The following SLC1A1 variants were observed in gnomAD, a reference collection of about 807,000 sequenced individuals.
SLC1A1 encodes solute carrier family 1 member 1.
SLC1A1 carries 43 observed loss-of-function variants against 53.3 expected under a neutral mutation model. The observed-to-expected ratio is 0.81, with a 90% confidence interval of 0.63 to 1.04. The LOEUF is 1.04. SLC1A1 is among the 50% of genes least tolerant of loss of function. SLC1A1 has a pLI of 0.00. For synonymous variants in SLC1A1, 307 were observed against 243.2 expected (o/e 1.26, Z -2.44); for missense variants, 748 against 664.9 (o/e 1.12, Z -1.37).
At position 4,576,961 on chromosome 9, in the gene SLC1A1, ACT is replaced by A. The variant is rs1383387097; in HGVS notation, c.1193+201_1193+202del. On this transcript the variant is annotated intron_variant, in intron 10 of 11. Transcript: ENST00000262352. The stretch of plus-strand genomic sequence containing the variant: ...CGGGGTCTGGGTAGCCAAAGCCATC[ACT>A]CTGTGCTCAGTTTACTGAAGCCAGT... Among the ~76,000 whole-genome samples the A allele has an allele frequency of 2.0e-5, 3 of 152,266 alleles. No individual in the cohort carries two copies. The East Asian group carries it at 5.8e-4, about 29-fold the overall frequency.
chr9:4,565,114 T>C (rs1819355143), intron 4 of SLC1A1, among the ~76,000 whole-genome samples: 1 of 152,150 alleles, frequency 6.6e-6, no homozygotes, highest in South Asian at 2.1e-4. Flanking sequence ...ATCTTTCCAG[T>C]TTTTCTTTTT....
At position 4,490,570 on chromosome 9, in the gene SLC1A1, C is replaced by A; in HGVS notation, c.-110C>A. 1.2e-6 allele frequency: 1 copy of A among 842,360 alleles called. No individual in the cohort carries two copies. Among genetic ancestry groups the A allele is most frequent in the Non-Finnish European group, 1.9e-6 (1 of 515,794 alleles). The allele number at this position is 842,360 out of a possible 1,614,324, so 52.2% of individuals were successfully genotyped here. Reference sequence around the variant, plus strand: ...GGCGACTGCAGCGGCCGGCTCTCACCTCTCCCCTGTGCACCCGCATCTCGC... The same window carrying A: ...GGCGACTGCAGCGGCCGGCTCTCACATCTCCCCTGTGCACCCGCATCTCGC... On this transcript the variant is annotated 5_prime_UTR_variant, in exon 1 of 12. Coordinates refer to ENST00000262352, the MANE Select transcript of SLC1A1 (RefSeq NM_004170.6).
rs112241929 is a variant in SLC1A1, at chr9:4,557,963, G to A, written c.233-3486G>A. 2.0e-5 allele frequency among the ~76,000 whole-genome samples: 3 copies of A among 152,256 alleles called. 1 individual carries two copies. The highest frequency in any genetic ancestry group is 7.2e-5 in the African/African-American group (3 of 41,528). On this transcript the variant is annotated intron_variant, in intron 2 of 11. Coordinates refer to ENST00000262352, the MANE Select transcript of SLC1A1 (RefSeq NM_004170.6). ...TAGTTTTGTCCTCTGTAAAATGGGG[G>A]TAATAATGCCCGCCTCCTTGGGTTG... is the stretch of plus-strand genomic sequence containing the variant.
chr9:4,501,220 G>A (rs755904999), intron 1 of SLC1A1, among the ~76,000 whole-genome samples: 4 of 151,160 alleles, frequency 2.6e-5, no homozygotes, highest in Admixed American at 6.6e-5. Context: ...GTCTCACTCC[G>A]TCACCCAGGC....
At chr9:4,537,255 T>G (rs1816710509) in intron 1 of SLC1A1, among the ~76,000 whole-genome samples, 1 of 152,086 alleles carries the variant, frequency 6.6e-6, no homozygotes, top group Non-Finnish European at 1.5e-5. Context: ...AAATGAAAAT[T>G]GCTTTTTAAA....
At chr9:4,532,025 GA>G (rs1414777733) in intron 1 of SLC1A1, among the ~76,000 whole-genome samples, 1 of 152,124 alleles carries the variant, frequency 6.6e-6, no homozygotes, top group Non-Finnish European at 1.5e-5. Flanking sequence ...CTAACAAACA[GA>G]AAGGACATCC....
At position 4,490,758 on chromosome 9, in the gene SLC1A1, G is replaced by A; in HGVS notation, c.79G>A (p.Ala27Thr). Reference protein sequence around the residue: ...NNWVLLSTVAAVVLGITTGVL... With the variant: ...NNWVLLSTVATVVLGITTGVL... ...CTGGGTGTTGCTGTCCACCGTGGCC[G>A]CGGTGGTGCTAGGTGAGCGGCGCGG... The change falls in exon 1 of 12, where the codon GCG (alanine) becomes ACG (threonine). Residue 27 changes from alanine to threonine, a missense_variant. Coordinates refer to ENST00000262352, the MANE Select transcript of SLC1A1 (RefSeq NM_004170.6). The A allele has an allele frequency of 1.2e-6, 2 of 1,611,838 alleles. No individual in the cohort carries two copies. Among genetic ancestry groups the A allele is most frequent in the East Asian group, 2.2e-5 (1 of 44,806 alleles).
intron 3 of SLC1A1, among the ~76,000 whole-genome samples, chr9:4,562,864 C>A (rs1230985015): frequency 6.6e-6 from 1 of 150,534 alleles, no homozygotes; most frequent in African/African-American, 2.4e-5. Context: ...GTGAATAATG[C>A]CGCAATAAAC....
chr9:4,532,154 C>T (rs1424294273), intron 1 of SLC1A1, among the ~76,000 whole-genome samples: 3 of 152,170 alleles, frequency 2.0e-5, no homozygotes, highest in African/African-American at 7.2e-5. Context: ...AGCGCCTCTC[C>T]TCCTCCAAAG....
chr9:4,561,084 G>A (rs1396858287), intron 2 of SLC1A1, among the ~76,000 whole-genome samples: 1 of 152,130 alleles, frequency 6.6e-6, no homozygotes, highest in African/African-American at 2.4e-5. Context: ...TTCCAAAGGA[G>A]GTTTATCACA....
intron 2 of SLC1A1, among the ~76,000 whole-genome samples, chr9:4,554,972 G>T (rs1818241011): frequency 6.6e-6 from 1 of 152,234 alleles, no homozygotes; most frequent in Middle Eastern, 3.2e-3. Context: ...TACTAGGCCT[G>T]TTATAGACAT....
At chr9:4,517,292 A>G (rs1471219124) in intron 1 of SLC1A1, among the ~76,000 whole-genome samples, 2 of 152,160 alleles carry the variant, frequency 1.3e-5, no homozygotes, top group Admixed American at 1.3e-4. Flanking sequence ...TGTGAATTTC[A>G]AGGGTAGCTC....
intron 1 of SLC1A1, among the ~76,000 whole-genome samples, chr9:4,541,963 G>A (rs1176268642): frequency 6.6e-6 from 1 of 152,104 alleles, no homozygotes; most frequent in African/African-American, 2.4e-5. Flanking sequence ...AAAATCTTCT[G>A]GTGATTTTCC....
rs1304752681 is a variant in SLC1A1, at chr9:4,583,841, A to C, written c.1328+669A>C. Among the ~76,000 whole-genome samples, 1 of 141,898 alleles carries C rather than the reference A, an allele frequency of 7.0e-6. No individual in the cohort carries two copies. The highest frequency in any genetic ancestry group is 2.6e-5 in the African/African-American group (1 of 38,654). 93.1% of individuals were successfully genotyped at this position (141,898 alleles called of 152,430 possible). A position where few individuals can be genotyped will look rare whatever the true frequency, so the allele number is the denominator to read the frequency against. On this transcript the variant is annotated intron_variant, in intron 11 of 11. Transcript: ENST00000262352. This position sits in a 1 kb window ranked among gnomAD's most constrained non-coding sequence, Gnocchi z 4.6. ...GAATGAGTTGGACCATTCAGGCCCC[A>C]ATCAACAACACTTCTCTCTCTCTCT...
chr9:4,544,483 T>C (rs1008902840), intron 1 of SLC1A1, 84 bp from the exon 2 acceptor site: 32 of 1,182,322 alleles, frequency 2.7e-5, no homozygotes, highest in Non-Finnish European at 3.8e-5. Flanking sequence ...AAAATGTGCA[T>C]TTGGGAGTAT....
intron 1 of SLC1A1, among the ~76,000 whole-genome samples, chr9:4,540,093 C>G (rs765801771): frequency 2.6e-5 from 4 of 152,090 alleles, no homozygotes; most frequent in South Asian, 2.1e-4. Context: ...CATAAAAACC[C>G]CAGTCTCCAA....
chr9:4,564,239 C>T, intron 3 of SLC1A1, 105 bp from the exon 4 acceptor site: 4 of 804,702 alleles, frequency 5.0e-6, no homozygotes, highest in Non-Finnish European at 6.4e-6. Context: ...TCCTCCCCAT[C>T]ACACTATTGC....
intron 1 of SLC1A1, among the ~76,000 whole-genome samples, chr9:4,521,631 T>A (rs889524715): frequency 2.0e-5 from 3 of 152,108 alleles, no homozygotes; most frequent in Non-Finnish European, 4.4e-5. Flanking sequence ...TCATGATGAG[T>A]TTGCTGTTTG....
At chr9:4,570,163 T>A (rs1200396451) in intron 6 of SLC1A1, among the ~76,000 whole-genome samples, 2 of 152,194 alleles carry the variant, frequency 1.3e-5, no homozygotes, top group Non-Finnish European at 2.9e-5. Context: ...GTCCCACTCT[T>A]CATATGACGC....
Sources: gnomAD v4.1 joint callset for allele counts (sites outside exome capture counted in the v4.1 genomes callset) on GRCh38, gnomAD v4.1.1 for gene constraint, Gnocchi (gnomAD v3.1) non-coding constraint, MANE v1.5 for transcripts, NCBI Gene and HGNC (gene_info 2026-07-23, HGNC 2026-07-21) for gene names.